RHPN1: variants seen among roughly 807,000 people sequenced by gnomAD.
The protein encoded by RHPN1 is rhophilin Rho GTPase binding protein 1, also known as rhophilin-1.
A neutral mutation model predicts 74.7 loss-of-function variants in RHPN1; 77 were observed. That is an observed-to-expected ratio of 1.03 (90% confidence interval 0.86 to 1.25). The LOEUF is 1.25. RHPN1 is among the 50% of genes most tolerant of loss of function. The pLI is 0.00. For missense variants in RHPN1, 987 were observed against 932.2 expected (o/e 1.06, Z -0.77); for synonymous variants, 444 against 414.5 (o/e 1.07, Z -0.87).
At chr8:143,380,921 G>A (rs767737148) in intron 11 of RHPN1, 138 bp downstream of exon 11, 78 of 787,964 alleles carry the variant, frequency 9.9e-5, no homozygotes, top group Non-Finnish European at 1.3e-4. Context: ...TCCAGGCCAC[G>A]ATCACAGGGA....
chr8:143,374,226 G>A lies in RHPN1; in HGVS notation c.61-1327G>A, dbSNP rs2450768. On this transcript the variant is annotated intron_variant, in intron 1 of 14. Coordinates refer to ENST00000289013, the MANE Select transcript of RHPN1 (RefSeq NM_052924.3). ...GACGTGTGTGCGTGGAGAGGGTGTC[G>A]GGTCCACAGAGGGGAAGACCCAGTG... is the stretch of plus-strand genomic sequence containing the variant. The A allele has an allele frequency of 7.7e-3, 7,603 of 985,386 alleles. 459 individuals are homozygous for A. In the African/African-American group the frequency reaches 0.12, roughly 16 times the overall value. The allele number at this position is 985,386 out of a possible 1,614,324, so 61.0% of individuals were successfully genotyped here. A position where few individuals can be genotyped will look rare whatever the true frequency, so the allele number is the denominator to read the frequency against.
chr8:143,380,086 C>T lies in RHPN1; in HGVS notation c.1127C>T (p.Thr376Met), dbSNP rs199822077. The T allele has an allele frequency of 1.4e-5, 21 of 1,552,114 alleles. No individual in the cohort carries two copies. Among genetic ancestry groups the T allele is most frequent in the South Asian group, 2.4e-5 (2 of 83,994 alleles). The part of the protein sequence containing the change: ...GSPATEGELP[T>M]HEQVFLQPPT... ...GCAGCGACCGAGGGAGAGCTCCCCA[C>T]GCACGAGCAGGTCTTCCTGCAGCCC... The change falls in exon 10 of 15, where the codon ACG becomes ATG. Residue 376 changes from threonine to methionine, a missense_variant. By Grantham distance (81) the Thr-to-Met change is moderately conservative. Transcript: ENST00000289013.
chr8:143,369,265 T>C (rs1203862010), intron 1 of RHPN1, among the ~76,000 whole-genome samples: 3 of 152,066 alleles, frequency 2.0e-5, no homozygotes, highest in Non-Finnish European at 4.4e-5. Context: ...ACAGCCAAAG[T>C]CTGGATCATC....
At position 143,380,622 on chromosome 8, in the gene RHPN1, AG is replaced by A; in HGVS notation, c.1252del (p.Glu418ArgfsTer22). ...CACCTGAAGCGTGCCATCCTGGGGCAGGAGGAGGCGCTGCGGCTGCACGCCC... is the reference window on the plus strand; with the variant it reads ...CACCTGAAGCGTGCCATCCTGGGGCAGAGGAGGCGCTGCGGCTGCACGCCC... The part of the protein sequence containing the change: ...KAHLKRAILG[Q>X]EEALRLHALC... On this transcript the variant is annotated frameshift_variant, in exon 11 of 15. Transcript: ENST00000289013. LOFTEE classifies it high-confidence loss of function. The A allele has an allele frequency of 6.5e-7, 1 of 1,547,722 alleles. No homozygotes were observed. The highest frequency in any genetic ancestry group is 1.2e-5 in the South Asian group (1 of 83,814).
chr8:143,369,097 T>A, intron 1 of RHPN1, 50 bp downstream of exon 1: 1 of 1,377,474 alleles, frequency 7.3e-7, no homozygotes, highest in African/African-American at 1.5e-5. Flanking sequence ...AATCCCGGCC[T>A]TTTCCTGCCC....
In RHPN1 at chr8:143,377,061, C is replaced by CGTGT. The variant is rs200671137; in HGVS notation, c.306-318_306-317insTGTG. 2.8e-3 allele frequency among the ~76,000 whole-genome samples: 302 copies of CGTGT among 109,342 alleles called. 2 individuals carry two copies. Among genetic ancestry groups the CGTGT allele is most frequent in the Non-Finnish European group, 4.2e-3 (208 of 49,276 alleles). The allele number at this position is 109,342 out of a possible 152,430, so 71.7% of individuals were successfully genotyped here. A position where few individuals can be genotyped will look rare whatever the true frequency, so the allele number is the denominator to read the frequency against. On this transcript the variant is annotated intron_variant, in intron 3 of 14. Transcript: ENST00000289013. The stretch of plus-strand genomic sequence containing the variant: ...GTGTGTCTGTGTGTGTCTGTGTGTG[C>CGTGT]GCGTGTGTGTGTCTGCACGTGTGTG...
At chr8:143,372,762 G>A (rs1264422319) in intron 1 of RHPN1, among the ~76,000 whole-genome samples, 2 of 149,758 alleles carry the variant, frequency 1.3e-5, no homozygotes, top group Non-Finnish European at 3.0e-5. Context: ...AGACAGTACA[G>A]GGGTTTGGGG....
chr8:143,368,497 A>C, upstream of RHPN1: 1 of 152,512 alleles, frequency 6.6e-6, no homozygotes, highest in Non-Finnish European at 1.5e-5. Context: ...AGTCCCCGCA[A>C]AGGGAGCCGA....
upstream of RHPN1, chr8:143,367,974 A>G (rs1817596739): frequency 6.6e-6 from 1 of 152,644 alleles, no homozygotes; most frequent in African/African-American, 2.4e-5. Context: ...CAGGTCGTCC[A>G]GTCCTGGGGC....
At chr8:143,380,470 C>A in intron 10 of RHPN1, 119 bp from the exon 11 acceptor site, 2 of 947,234 alleles carry the variant, frequency 2.1e-6, no homozygotes, top group Non-Finnish European at 3.0e-6. Context: ...CCGTGGCGCG[C>A]ACCCCCAACG....
chr8:143,378,676 C>A lies in RHPN1; in HGVS notation c.460-20C>A. 6.3e-7 allele frequency: 1 copy of A among 1,590,396 alleles called. No homozygotes were observed. Among genetic ancestry groups the A allele is most frequent in the South Asian group, 1.1e-5 (1 of 87,736 alleles). ...TGGGGTGGGCCAGGGCGGTGGGGCC[C>A]AGTGGCTCCTGCCCTGCAGGCCATG... is the stretch of plus-strand genomic sequence containing the variant. On this transcript the variant is annotated intron_variant, in intron 5 of 14. Transcript: ENST00000289013.
intron 8 of RHPN1, 127 bp from the exon 9 acceptor site, chr8:143,379,699 AAGC>A: frequency 9.6e-6 from 14 of 1,452,696 alleles, no homozygotes; most frequent in South Asian, 1.4e-5. Flanking sequence ...GGATGGCACA[AAGC>A]AGCAGGAACT....
rs199983804 is a variant in RHPN1 at position 143,379,724 on chromosome 8, G to A, written c.946-105G>A. On this transcript the variant is annotated intron_variant, in intron 8 of 14. Transcript: ENST00000289013. Reference sequence around the variant, plus strand: ...AAGCAGCAGGAACTGAGGTGCCAGGGAGGCTGCTGGGATGGTGGTCGGAGC... The same window carrying A: ...AAGCAGCAGGAACTGAGGTGCCAGGAAGGCTGCTGGGATGGTGGTCGGAGC... 17 of 1,467,194 alleles carry A rather than the reference G, an allele frequency of 1.2e-5. No homozygotes were observed. The East Asian group carries it at 3.7e-4, about 32-fold the overall frequency. The allele number at this position is 1,467,194 out of a possible 1,614,324, so 90.9% of individuals were successfully genotyped here. A position where few individuals can be genotyped will look rare whatever the true frequency, so the allele number is the denominator to read the frequency against.
At chr8:143,372,391 A>G (rs1450465240) in intron 1 of RHPN1, among the ~76,000 whole-genome samples, 1 of 152,160 alleles carries the variant, frequency 6.6e-6, no homozygotes, top group Non-Finnish European at 1.5e-5. Flanking sequence ...GGGCCTCTCC[A>G]GCCCGAGTCC....
At position 143,381,257 on chromosome 8, in the gene RHPN1, C is replaced by A. The variant is rs747522656; in HGVS notation, c.1412-11C>A. On this transcript the variant is annotated splice_polypyrimidine_tract_variant and intron_variant, in intron 11 of 14. Coordinates refer to ENST00000289013, the MANE Select transcript of RHPN1 (RefSeq NM_052924.3). ...GTCTCCCAGCTTAGCTCTGCTCTTACACCCTCTCAGCTAAGACCCACCAGA... is the reference window on the plus strand; with the variant it reads ...GTCTCCCAGCTTAGCTCTGCTCTTAAACCCTCTCAGCTAAGACCCACCAGA... 3 of 1,610,456 alleles carry A rather than the reference C, an allele frequency of 1.9e-6. No homozygotes were observed. Among genetic ancestry groups the A allele is most frequent in the East Asian group, 2.2e-5 (1 of 44,860 alleles).
intron 1 of RHPN1, among the ~76,000 whole-genome samples, chr8:143,371,930 G>A (rs1210620521): frequency 6.6e-6 from 1 of 152,242 alleles, no homozygotes; most frequent in African/African-American, 2.4e-5. Flanking sequence ...AGTGGGGCAT[G>A]GGCCGCCCAC....
intron 8 of RHPN1, 42 bp downstream of exon 8, chr8:143,379,550 G>C (rs1163323699): frequency 6.6e-7 from 1 of 1,508,168 alleles, no homozygotes; most frequent in Non-Finnish European, 8.9e-7. Flanking sequence ...GGGTGGGGCC[G>C]AGCTGGGGTC....
chr8:143,378,468 G>C, intron 5 of RHPN1, 122 bp downstream of exon 5: 5 of 997,060 alleles, frequency 5.0e-6, no homozygotes, highest in Non-Finnish European at 7.4e-6. Context: ...GTGGGGAGAC[G>C]GGCGCACCAG....
At chr8:143,365,727 G>A (rs933736735), upstream of RHPN1, among the ~76,000 whole-genome samples, 6 of 152,246 alleles carry the variant, frequency 3.9e-5, no homozygotes, top group African/African-American at 1.2e-4. Flanking sequence ...GCCAGGCACA[G>A]CGGCTCACAC....
Sources: gnomAD v4.1 joint callset for allele counts (sites outside exome capture counted in the v4.1 genomes callset) on GRCh38, gnomAD v4.1.1 for gene constraint, MANE v1.5 for transcripts, NCBI Gene and HGNC (gene_info 2026-07-23, HGNC 2026-07-21) for gene names.